ST3GAL2: variants seen among roughly 807,000 people sequenced by gnomAD.
ST3GAL2 encodes the protein ST3 beta-galactoside alpha-2,3-sialyltransferase 2.
In ST3GAL2, 16 loss-of-function variants were observed where a neutral mutation model predicts 37.5. That is an observed-to-expected ratio of 0.43 (90% confidence interval 0.29 to 0.65). The LOEUF is 0.65. Ranked by LOEUF, ST3GAL2 falls within the 30% of genes least tolerant of loss-of-function variation. The pLI, the probability that ST3GAL2 is intolerant of heterozygous loss-of-function variation, is 0.17. For synonymous variants in ST3GAL2, 238 were observed against 202.9 expected (o/e 1.17, Z -1.47); for missense variants, 383 against 487.8 (o/e 0.79, Z 2.02).
intron 1 of ST3GAL2, among the ~76,000 whole-genome samples, chr16:70,408,421 G>A (rs1196942303): frequency 1.3e-5 from 2 of 152,004 alleles, no homozygotes; most frequent in East Asian, 1.9e-4. Context: ...GGGGGTGGGC[G>A]CAGGTGGCCA....
intron 2 of ST3GAL2, among the ~76,000 whole-genome samples, chr16:70,396,471 G>A (rs1157105615): frequency 1.3e-5 from 2 of 152,132 alleles, no homozygotes; most frequent in Non-Finnish European, 1.5e-5. Flanking sequence ...CAGGCGTGGT[G>A]GCACGTGCCT....
intron 1 of ST3GAL2, among the ~76,000 whole-genome samples, chr16:70,405,340 G>T (rs1024666115): frequency 6.6e-6 from 1 of 151,900 alleles, no homozygotes. Flanking sequence ...AGGAGATCGA[G>T]ACCATCCTGG....
chr16:70,419,697 C>A (rs2047700625), intron 1 of ST3GAL2, among the ~76,000 whole-genome samples: 1 of 152,222 alleles, frequency 6.6e-6, no homozygotes, highest in Non-Finnish European at 1.5e-5. Context: ...GAGGTCAGAG[C>A]AGCTCGCTCG....
intron 1 of ST3GAL2, among the ~76,000 whole-genome samples, chr16:70,437,922 A>AC (rs1170143383): frequency 6.6e-6 from 1 of 151,464 alleles, no homozygotes; most frequent in African/African-American, 2.4e-5. Flanking sequence ...AGTGCCCTGT[A>AC]CTCCCCCGGA....
chr16:70,402,235 A>T (rs943356614), intron 1 of ST3GAL2, among the ~76,000 whole-genome samples: 3 of 144,824 alleles, frequency 2.1e-5, no homozygotes, highest in African/African-American at 7.6e-5. Context: ...GGAGTGGGAG[A>T]TCGTGCCAAT....
chr16:70,430,399 C>A (rs1257968024), intron 1 of ST3GAL2, among the ~76,000 whole-genome samples: 2 of 152,252 alleles, frequency 1.3e-5, no homozygotes, highest in Admixed American at 1.3e-4. Flanking sequence ...GCTTTTCAGG[C>A]ACTGAGGAAA....
intron 3 of ST3GAL2, among the ~76,000 whole-genome samples, chr16:70,389,707 G>A (rs1421961269): frequency 2.0e-5 from 3 of 152,104 alleles, no homozygotes; most frequent in Non-Finnish European, 4.4e-5. Context: ...CTCGTGATGC[G>A]CCGGCCTCGG....
intron 1 of ST3GAL2, among the ~76,000 whole-genome samples, chr16:70,412,698 T>C (rs973471176): frequency 6.6e-6 from 1 of 152,180 alleles, no homozygotes; most frequent in African/African-American, 2.4e-5. Context: ...ATTTATCCTG[T>C]TTGATGTTCA....
intron 3 of ST3GAL2, among the ~76,000 whole-genome samples, chr16:70,392,265 G>A (rs1277107857): frequency 6.6e-6 from 1 of 152,184 alleles, no homozygotes; most frequent in Non-Finnish European, 1.5e-5. Flanking sequence ...ACTCTAACAG[G>A]GACAAGGTTT....
At chr16:70,435,242 G>A (rs1204530642) in intron 1 of ST3GAL2, among the ~76,000 whole-genome samples, 1 of 152,110 alleles carries the variant, frequency 6.6e-6, no homozygotes, top group Non-Finnish European at 1.5e-5. Context: ...AGCCAAACCA[G>A]TACAGCTGCC....
intron 1 of ST3GAL2, chr16:70,400,861 G>A (rs770693877): frequency 1.3e-5 from 2 of 152,152 alleles, no homozygotes; most frequent in Non-Finnish European, 1.5e-5. Flanking sequence ...GCCTCATCAG[G>A]GCTCCTGGCT....
chr16:70,423,877 T>C (rs1188365644), intron 1 of ST3GAL2, among the ~76,000 whole-genome samples: 1 of 150,988 alleles, frequency 6.6e-6, no homozygotes, highest in Admixed American at 6.6e-5. Flanking sequence ...GAGACCACAG[T>C]GAAACCCCGT....
At chr16:70,403,986 C>A (rs1367760882) in intron 1 of ST3GAL2, among the ~76,000 whole-genome samples, 2 of 151,636 alleles carry the variant, frequency 1.3e-5, no homozygotes, top group Non-Finnish European at 2.9e-5. Flanking sequence ...CAGAGTGATA[C>A]CACAACTCGA....
intron 5 of ST3GAL2, 51 bp downstream of exon 5, chr16:70,383,139 G>A: frequency 6.2e-7 from 1 of 1,607,698 alleles, no homozygotes; most frequent in Non-Finnish European, 8.5e-7. Flanking sequence ...CAGGCACACA[G>A]GCTGGGCCAG....
intron 1 of ST3GAL2, among the ~76,000 whole-genome samples, chr16:70,428,415 G>C (rs1463818048): frequency 1.3e-5 from 2 of 152,220 alleles, no homozygotes; most frequent in Non-Finnish European, 2.9e-5. Flanking sequence ...CCTCTTATCA[G>C]ACTGACCTTT....
intron 1 of ST3GAL2, among the ~76,000 whole-genome samples, chr16:70,418,975 A>G (rs1040520502): frequency 2.0e-5 from 3 of 152,054 alleles, no homozygotes; most frequent in Non-Finnish European, 4.4e-5. Context: ...AGGGACACAA[A>G]TGCTCTCCTA....
At chr16:70,392,910 A>C (rs1401383694) in intron 3 of ST3GAL2, among the ~76,000 whole-genome samples, 1 of 151,744 alleles carries the variant, frequency 6.6e-6, no homozygotes, top group Non-Finnish European at 1.5e-5. Context: ...TTAGCCTCCC[A>C]ATTAGCTAGG....
In ST3GAL2 at chr16:70,399,457, A is replaced by G; in HGVS notation, c.-927T>C. On this transcript the variant is annotated 5_prime_UTR_variant, in exon 2 of 7. Coordinates refer to ENST00000342907, the MANE Select transcript of ST3GAL2 (RefSeq NM_006927.4). ...ATCCCCACTCCCCCGGGGCCAGCCT[A>G]TCCTGCTGTGAGCTCACAGTAATCC... is the stretch of plus-strand genomic sequence containing the variant. 2.5e-6 allele frequency: 1 copy of G among 398,652 alleles called. No homozygotes were observed. The highest frequency in any genetic ancestry group is 4.4e-6 in the Non-Finnish European group (1 of 226,132). 24.7% of individuals were successfully genotyped at this position (398,652 alleles called of 1,614,324 possible).
At chr16:70,395,792 C>CTG (rs2047511883) in intron 2 of ST3GAL2, among the ~76,000 whole-genome samples, 1 of 152,156 alleles carries the variant, frequency 6.6e-6, no homozygotes, top group African/African-American at 2.4e-5. Context: ...CAGCAAGTGC[C>CTG]ACACAGGAGT....
Sources: allele counts gnomAD v4.1 joint callset (sites outside exome capture counted in the v4.1 genomes callset), GRCh38; gene constraint gnomAD v4.1.1; transcripts MANE v1.5; gene names NCBI Gene and HGNC (gene_info 2026-07-23, HGNC 2026-07-21).